KRT73: variants seen among roughly 807,000 people sequenced by gnomAD.
KRT73 encodes keratin 73.
In KRT73, 44 loss-of-function variants were observed where a neutral mutation model predicts 47.2. The observed-to-expected ratio is 0.93, with a 90% CI of 0.73 to 1.20. The LOEUF (loss-of-function observed/expected upper bound fraction) is 1.20. Ranked by LOEUF, KRT73 falls within the 50% of genes most tolerant of loss-of-function variation. The pLI is 0.00. For synonymous variants in KRT73, 285 were observed against 291.3 expected (o/e 0.98, Z 0.22); for missense variants, 713 against 704.5 (o/e 1.01, Z -0.14).
At position 52,616,491 on chromosome 12, in the gene KRT73, C is replaced by T. The variant is rs1170418634; in HGVS notation, c.448-111G>A. On this transcript the variant is annotated intron_variant, in intron 1 of 8. Transcript: ENST00000305748. ...CTACATTAGCTTTAAAAATGAGCCT[C>T]AGCCCTTAAAAACTGCCACCCATGC... 2.9e-6 allele frequency: 4 copies of T among 1,389,178 alleles called. No individual in the cohort carries two copies. The African/African-American group carries it at 4.3e-5, about 15-fold the overall frequency. The allele number at this position is 1,389,178 out of a possible 1,614,324, so 86.1% of individuals were successfully genotyped here.
intron 2 of KRT73, among the ~76,000 whole-genome samples, chr12:52,615,774 G>C (rs541263999): frequency 6.6e-6 from 1 of 152,276 alleles, no homozygotes; most frequent in Admixed American, 6.5e-5. Flanking sequence ...CCGTGTCCAG[G>C]ACCGAAAGGC....
intron 5 of KRT73, 120 bp downstream of exon 5, chr12:52,613,568 C>T: frequency 2.6e-6 from 4 of 1,524,354 alleles, no homozygotes; most frequent in Non-Finnish European, 3.5e-6. Context: ...CCCCAGTGCC[C>T]AGGAGAGTGC....
chr12:52,611,118 A>C (rs957993418), intron 6 of KRT73, 86 bp downstream of exon 6: 2 of 1,517,928 alleles, frequency 1.3e-6, no homozygotes, highest in Non-Finnish European at 1.8e-6. Flanking sequence ...TCTGAAATGG[A>C]TGCTCAAGAG....
Position 52,608,192 on chromosome 12 carries a change from A to G in KRT73, c.*4T>C, listed in dbSNP as rs1417001248. The G allele has an allele frequency of 5.6e-6, 9 of 1,608,632 alleles. No individual in the cohort carries two copies. Among genetic ancestry groups the G allele is most frequent in the African/African-American group, 1.3e-5 (1 of 74,820 alleles). On this transcript the variant is annotated 3_prime_UTR_variant, in exon 9 of 9. Coordinates refer to ENST00000305748, the MANE Select transcript of KRT73 (RefSeq NM_175068.3). Reference sequence around the variant, plus strand: ...ACTACTGGGAAATGGGCTGTGTTGCACTTTTATCTCATGGTTTTTTTGGTG... The same window carrying G: ...ACTACTGGGAAATGGGCTGTGTTGCGCTTTTATCTCATGGTTTTTTTGGTG...
At chr12:52,616,577 CA>C (rs1370547718) in intron 1 of KRT73, among the ~76,000 whole-genome samples, 197 bp from the exon 2 acceptor site, 1 of 152,192 alleles carries the variant, frequency 6.6e-6, no homozygotes, top group Admixed American at 6.5e-5. Flanking sequence ...CACTCTGAGG[CA>C]GCCCTTAAGG....
At chr12:52,628,960 T>C in the KRT73 span, among the ~76,000 whole-genome samples, 1 of 152,208 alleles carries the variant, frequency 6.6e-6, no homozygotes, top group South Asian at 2.1e-4. Flanking sequence ...CACAGGTTTC[T>C]GTGCCCTGAG....
At chr12:52,628,942 G>A in the KRT73 span, among the ~76,000 whole-genome samples, 2 of 152,184 alleles carry the variant, frequency 1.3e-5, no homozygotes, top group African/African-American at 4.8e-5. Flanking sequence ...GCCTCTGGGA[G>A]GGAGACCCAC....
At chr12:52,616,818 C>T (rs78287133) in intron 1 of KRT73, among the ~76,000 whole-genome samples, 2,229 of 152,276 alleles carry the variant, frequency 0.015, 30 homozygotes, top group Non-Finnish European at 0.019. Flanking sequence ...CCTCCTTGTG[C>T]GTGGGCTCTC....
upstream of KRT73, among the ~76,000 whole-genome samples, chr12:52,622,817 A>G (rs1054400458): frequency 1.3e-5 from 2 of 152,218 alleles, no homozygotes; most frequent in Admixed American, 6.5e-5. Context: ...ACTAAGAAAT[A>G]TAATAATCAA....
rs371600635 is a variant in KRT73 at position 52,609,187 on chromosome 12, C to T, written c.1366+60G>A. The T allele has an allele frequency of 8.7e-6, 13 of 1,492,966 alleles. No individual in the cohort carries two copies. In the African/African-American group the frequency reaches 1.5e-4, roughly 17 times the overall value. 92.5% of individuals were successfully genotyped at this position (1,492,966 alleles called of 1,614,324 possible). A position where few individuals can be genotyped will look rare whatever the true frequency, so the allele number is the denominator to read the frequency against. On this transcript the variant is annotated intron_variant, in intron 8 of 8. Transcript: ENST00000305748. The stretch of plus-strand genomic sequence containing the variant: ...CTCAGGGGGCTGGGCGGTGGACACC[C>T]ACCCACTTTGTGTTTGTTGATGGAC...
chr12:52,628,332 T>G, the KRT73 span, among the ~76,000 whole-genome samples: 40 of 152,086 alleles, frequency 2.6e-4, no homozygotes, highest in Non-Finnish European at 5.1e-4. Flanking sequence ...CCTGGCTTTC[T>G]CAGGGAATGG....
At chr12:52,625,821 C>T in the KRT73 span, among the ~76,000 whole-genome samples, 4 of 151,540 alleles carry the variant, frequency 2.6e-5, no homozygotes, top group African/African-American at 9.7e-5. Flanking sequence ...TCACTACATG[C>T]AATGACCCAT....
Position 52,618,217 on chromosome 12 carries a change from C to A in KRT73, c.308G>T (p.Gly103Val), listed in dbSNP as rs1281636776. The A allele has an allele frequency of 5.6e-6, 9 of 1,614,000 alleles. No individual in the cohort carries two copies. Among genetic ancestry groups the A allele is most frequent in the South Asian group, 4.4e-5 (4 of 91,074 alleles). The change falls in exon 1 of 9, where the codon GGT (glycine) becomes GTT (valine). Residue 103 changes from glycine (G) to valine (V), a missense_variant. By Grantham distance (109) the Gly-to-Val change is moderately radical (BLOSUM62 -3). Transcript: ENST00000305748. ...CTTGTTGATGGTGACCTGATGGATA[C>A]CCCCGGGCGGGCACAACGACGGACA... is the stretch of plus-strand genomic sequence containing the variant. ...SVCPSLCPPG[G>V]IHQVTINKSL...
chr12:52,620,458 A>C (rs890071891), upstream of KRT73, among the ~76,000 whole-genome samples: 2 of 152,148 alleles, frequency 1.3e-5, no homozygotes, highest in Non-Finnish European at 2.9e-5. Flanking sequence ...AGACCAACAA[A>C]ACTGCATTGT....
chr12:52,629,284 T>A, the KRT73 span, among the ~76,000 whole-genome samples: 1 of 151,984 alleles, frequency 6.6e-6, no homozygotes, highest in Admixed American at 6.5e-5. Context: ...CACACAGCAT[T>A]GAGGGGCACC....
chr12:52,616,451 C>A, intron 1 of KRT73, 71 bp from the exon 2 acceptor site: 1 of 1,574,704 alleles, frequency 6.4e-7, no homozygotes, highest in Non-Finnish European at 8.7e-7. Flanking sequence ...TGGACAGGAA[C>A]TGTGTTTTCT....
upstream of KRT73, among the ~76,000 whole-genome samples, chr12:52,621,298 G>A (rs905908943): frequency 2.1e-5 from 3 of 146,266 alleles, no homozygotes; most frequent in South Asian, 2.4e-4. Context: ...AAAGGGGGGG[G>A]GGGGGAGAGA....
upstream of KRT73, among the ~76,000 whole-genome samples, chr12:52,618,884 G>T (rs622747): frequency 5.3e-3 from 805 of 152,312 alleles, 8 homozygotes; most frequent in African/African-American, 0.018. Flanking sequence ...GGATTGTAGG[G>T]GTACAGAGGG....
chr12:52,628,768 G>A, the KRT73 span, among the ~76,000 whole-genome samples: 1 of 152,134 alleles, frequency 6.6e-6, no homozygotes, highest in African/African-American at 2.4e-5. Context: ...TCTGGGGCCT[G>A]GCATTTGGAT....
Sources: gnomAD v4.1 joint callset for allele counts (sites outside exome capture counted in the v4.1 genomes callset) on GRCh38, gnomAD v4.1.1 for gene constraint, MANE v1.5 for transcripts, NCBI Gene and HGNC (gene_info 2026-07-23, HGNC 2026-07-21) for gene names.